The following DOCK10 variants were observed in gnomAD, a reference collection of about 807,000 sequenced individuals.
The protein encoded by DOCK10 is dedicator of cytokinesis protein 10.
A neutral mutation model predicts 280.1 loss-of-function variants in DOCK10; 145 were observed. That is an observed-to-expected ratio of 0.52 (90% CI 0.45 to 0.59). The LOEUF is 0.59. Among genes scored for constraint, DOCK10 ranks in the 20% least tolerant of loss-of-function variants. DOCK10 has a pLI of 0.00. For missense variants in DOCK10, 2,368 were observed against 2,651.7 expected (o/e 0.89, Z 2.35); for synonymous variants, 915 against 942.2 (o/e 0.97, Z 0.53).
chr2:224,893,954 A>G (rs59503337), intron 4 of DOCK10, among the ~76,000 whole-genome samples: 3,252 of 152,292 alleles, frequency 0.021, 109 homozygotes, highest in African/African-American at 0.075. Flanking sequence ...TTGTAAAATC[A>G]TTTTAAAGAA....
chr2:224,889,114 C>T (rs770274980), intron 4 of DOCK10, among the ~76,000 whole-genome samples: 29 of 152,268 alleles, frequency 1.9e-4, no homozygotes, highest in Non-Finnish European at 3.5e-4. Context: ...GTAAAAGCAA[C>T]CTCTGAATCT....
intron 1 of DOCK10, among the ~76,000 whole-genome samples, chr2:225,014,056 A>C (rs1689516715): frequency 6.7e-6 from 1 of 149,296 alleles, no homozygotes; most frequent in South Asian, 2.1e-4. Flanking sequence ...AAATGTATTC[A>C]AAAAATCCCC....
intron 1 of DOCK10, among the ~76,000 whole-genome samples, chr2:224,963,726 A>G (rs1704573433): frequency 6.6e-6 from 1 of 152,234 alleles, no homozygotes; most frequent in Non-Finnish European, 1.5e-5. Context: ...TTCAAGTAGT[A>G]ATTTTATATT....
chr2:224,866,666 T>A (rs1697928959), intron 11 of DOCK10, among the ~76,000 whole-genome samples: 3 of 152,186 alleles, frequency 2.0e-5, no homozygotes, highest in Admixed American at 2.0e-4. Flanking sequence ...TTAGCTAGTA[T>A]TCCATCATAC....
chr2:224,805,728 C>A lies in DOCK10; in HGVS notation c.3815-199G>T, dbSNP rs1263395936. On this transcript the variant is annotated intron_variant, in intron 34 of 55. Coordinates refer to ENST00000258390, the MANE Select transcript of DOCK10 (RefSeq NM_014689.3). The surrounding 1 kb of genome is among the most constrained non-coding windows in gnomAD (Gnocchi z 4.3). ...GCTTTAGTAAAAGTTCATAAAGATA[C>A]TTTTGGGAAGGGGCTTTCAACTTTT... Among the ~76,000 whole-genome samples, 1 of 152,110 alleles carries A rather than the reference C, an allele frequency of 6.6e-6. No individual in the cohort carries two copies. Among genetic ancestry groups the A allele is most frequent in the African/African-American group, 2.4e-5 (1 of 41,430 alleles).
intron 1 of DOCK10, among the ~76,000 whole-genome samples, chr2:224,936,406 G>A (rs1702696020): frequency 6.6e-6 from 1 of 152,106 alleles, no homozygotes; most frequent in African/African-American, 2.4e-5. Context: ...CTTGACAGTG[G>A]TTCTAGATTC....
chr2:224,776,749 C>T (rs1176452819), intron 51 of DOCK10, among the ~76,000 whole-genome samples: 1 of 152,220 alleles, frequency 6.6e-6, no homozygotes, highest in Non-Finnish European at 1.5e-5. Context: ...GTTTCAAAGA[C>T]CTGCCATTCT....
intron 28 of DOCK10, among the ~76,000 whole-genome samples, chr2:224,822,345 C>G (rs1477126741): frequency 5.9e-5 from 9 of 152,156 alleles, no homozygotes; most frequent in Non-Finnish European, 1.2e-4. Context: ...TGAAATATAA[C>G]TAATTTCCAT....
chr2:224,947,045 C>T (rs1703460707), intron 1 of DOCK10: 1 of 1,416,340 alleles, frequency 7.1e-7, no homozygotes, highest in Non-Finnish European at 9.2e-7. Context: ...ACAAATCTTT[C>T]TTCTTGGTAA....
Position 224,814,301 on chromosome 2 carries a change from G to A in DOCK10, c.3409+19C>T. 1.3e-6 allele frequency: 2 copies of A among 1,490,766 alleles called. No homozygotes were observed. The highest frequency in any genetic ancestry group is 5.1e-5 in the East Asian group (2 of 39,134). The allele number at this position is 1,490,766 out of a possible 1,614,324, so 92.3% of individuals were successfully genotyped here. The stretch of plus-strand genomic sequence containing the variant: ...ATTACAGGTGGTTACTGATGCTTAG[G>A]TAAGGTAATATCACTTACCTGATGC... On this transcript the variant is annotated intron_variant, in intron 31 of 55. Coordinates refer to ENST00000258390, the MANE Select transcript of DOCK10 (RefSeq NM_014689.3).
chr2:224,793,424 T>C lies in DOCK10; in HGVS notation c.5188A>G (p.Ile1730Val). ...CCCTTTCTTTTCAGATACTCTGCAA[T>C]GAGAGCAGCAATATGGATGTAACAC... ...AMCYIHIAAL[I>V]AEYLKRKGYW... is the part of the protein sequence containing the mutation. The change falls in exon 46 of 56, where the codon ATT (isoleucine) becomes GTT (valine). Residue 1730 changes from isoleucine (I) to valine (V), a missense_variant. Ile to Val is a conservative substitution (Grantham distance 29, BLOSUM62 3). Around this residue, in one of 2 missense-constraint regions of DOCK10, gnomAD observed 1,159 missense variants for 1,400.8 expected, o/e 0.83. Coordinates refer to ENST00000258390, the MANE Select transcript of DOCK10 (RefSeq NM_014689.3). 1 of 1,613,630 alleles carries C rather than the reference T, an allele frequency of 6.2e-7. No individual in the cohort carries two copies. Among genetic ancestry groups the C allele is most frequent in the African/African-American group, 1.3e-5 (1 of 75,022 alleles).
In DOCK10 at chr2:224,862,832, T is replaced by G. The variant is rs1574955763; in HGVS notation, c.1603-86A>C. 8 of 834,256 alleles carry G rather than the reference T, an allele frequency of 9.6e-6. No individual in the cohort carries two copies. The East Asian group carries it at 2.3e-4, about 24-fold the overall frequency. 51.7% of individuals were successfully genotyped at this position (834,256 alleles called of 1,614,324 possible). On this transcript the variant is annotated intron_variant, in intron 13 of 55. Transcript: ENST00000258390. ...AATAATACTAAATACTTTTTCATAT[T>G]ATTTTATACTGAAACTCAGCGTAAC...
chr2:224,778,017 T>C (rs1690996671), intron 51 of DOCK10, 121 bp downstream of exon 51: 1 of 1,006,214 alleles, frequency 9.9e-7, no homozygotes, highest in Non-Finnish European at 1.4e-6. Context: ...AAGCAAAACA[T>C]CTAAAATCGT....
Position 224,837,833 on chromosome 2 carries a change from T to G in DOCK10, c.2781-2A>C, listed in dbSNP as rs199883968. On this transcript the variant is annotated splice_acceptor_variant, in intron 24 of 55. Transcript: ENST00000258390. LOFTEE classifies it high-confidence loss of function. Reference sequence around the variant, plus strand: ...TTGGCCACAATGTCGGTCAGAACCCTGCAAAAGCAAAGCTGTTCAGTGGCC... The same window carrying G: ...TTGGCCACAATGTCGGTCAGAACCCGGCAAAAGCAAAGCTGTTCAGTGGCC... 1 of 1,613,714 alleles carries G rather than the reference T, an allele frequency of 6.2e-7. No homozygotes were observed. The highest frequency in any genetic ancestry group is 1.3e-5 in the African/African-American group (1 of 75,058).
chr2:224,953,496 G>A (rs1703875458), intron 1 of DOCK10, among the ~76,000 whole-genome samples: 1 of 152,130 alleles, frequency 6.6e-6, no homozygotes. Flanking sequence ...CTGAGCCTCA[G>A]CCCTGCAGAA....
chr2:224,805,548 G>A lies in DOCK10; in HGVS notation c.3815-19C>T, dbSNP rs753763282. The A allele has an allele frequency of 8.1e-6, 13 of 1,611,182 alleles. No individual in the cohort carries two copies. In the Admixed American group the frequency reaches 2.0e-4, roughly 25 times the overall value. On this transcript the variant is annotated intron_variant, in intron 34 of 55. Transcript: ENST00000258390. The surrounding 1 kb of genome is among the most constrained non-coding windows in gnomAD (Gnocchi z 4.3). The stretch of plus-strand genomic sequence containing the variant: ...GAAAATGCTGTAAACACAAGCCACA[G>A]CACACGTATGGGAATGAGATGTATG...
At chr2:224,903,593 G>A (rs1700433217) in intron 3 of DOCK10, among the ~76,000 whole-genome samples, 1 of 152,230 alleles carries the variant, frequency 6.6e-6, no homozygotes, top group African/African-American at 2.4e-5. Context: ...GTCAGGACAT[G>A]AATGATGGAT....
At chr2:225,019,924 C>G (rs937233446) in intron 1 of DOCK10, among the ~76,000 whole-genome samples, 3 of 152,184 alleles carry the variant, frequency 2.0e-5, no homozygotes, top group Non-Finnish European at 2.9e-5. Flanking sequence ...GCTGAACCAA[C>G]AAGCTGAACC....
chr2:225,021,323 A>T (rs760184824), intron 1 of DOCK10, among the ~76,000 whole-genome samples: 1 of 151,904 alleles, frequency 6.6e-6, no homozygotes, highest in East Asian at 1.9e-4. Flanking sequence ...TCAGTTGACA[A>T]CTCTGTCATT....
Sources: allele counts gnomAD v4.1 joint callset (sites outside exome capture counted in the v4.1 genomes callset), GRCh38; gene constraint gnomAD v4.1.1; regional missense constraint gnomAD v4.1.1; non-coding constraint Gnocchi (gnomAD v3.1); transcripts MANE v1.5; gene names NCBI Gene and HGNC (gene_info 2026-07-23, HGNC 2026-07-21).